Variants in PHF21A observed in about 807,000 individuals in gnomAD.
PHF21A encodes PHD finger protein 21A.
A neutral mutation model predicts 82.5 loss-of-function variants in PHF21A; 11 were observed. The observed-to-expected ratio is 0.13, with a 90% CI of 0.08 to 0.22. The LOEUF (loss-of-function observed/expected upper bound fraction) is 0.22. PHF21A is among the 10% of genes least tolerant of loss of function. The pLI is 1.00. For synonymous variants in PHF21A, 297 were observed against 302.8 expected, an observed-to-expected ratio of 0.98 and a Z score of 0.20; for missense variants, 579 against 837.8, an observed-to-expected ratio of 0.69 and a Z score of 3.81.
intron 1 of PHF21A, among the ~76,000 whole-genome samples, chr11:46,102,138 G>A (rs1387021732): frequency 3.9e-5 from 6 of 152,004 alleles, no homozygotes; most frequent in Non-Finnish European, 1.5e-5. Context: ...TTACAGGCGC[G>A]AGCCACCACG....
In PHF21A at chr11:45,949,060, T is replaced by TA. The variant is rs1034592415; in HGVS notation, c.1228-115dup. On this transcript the variant is annotated intron_variant, in intron 13 of 18. Transcript: ENST00000676320. ...TGTCAACATGCCGACTAGTTAGTGC[T>TA]AATCATCCTAAGGTCTCAATGCTCA... 3 of 841,414 alleles carry TA rather than the reference T, an allele frequency of 3.6e-6. No homozygotes were observed. In the African/African-American group the frequency reaches 5.0e-5, roughly 14 times the overall value. The allele number at this position is 841,414 out of a possible 1,614,324, so 52.1% of individuals were successfully genotyped here. A position where few individuals can be genotyped will look rare whatever the true frequency, so the allele number is the denominator to read the frequency against.
chr11:45,934,741 C>T (rs1478116206), intron 18 of PHF21A: 6 of 327,798 alleles, frequency 1.8e-5, no homozygotes, highest in Admixed American at 1.7e-4. Flanking sequence ...TTAGGAGGAT[C>T]GAAGCCCCAA....
chr11:46,093,616 A>G (rs1477713454), intron 1 of PHF21A, among the ~76,000 whole-genome samples: 1 of 152,246 alleles, frequency 6.6e-6, no homozygotes, highest in Non-Finnish European at 1.5e-5. Flanking sequence ...CAGTTATTAA[A>G]AAGTGGATTC....
chr11:46,038,699 G>T (rs994184211), intron 6 of PHF21A, among the ~76,000 whole-genome samples: 5 of 152,104 alleles, frequency 3.3e-5, no homozygotes, highest in Admixed American at 2.6e-4. Context: ...GCAGCACAGG[G>T]TATCACATGG....
chr11:45,966,694 ACAGCAGCCT>A (rs957977862), intron 9 of PHF21A, among the ~76,000 whole-genome samples: 1 of 152,244 alleles, frequency 6.6e-6, no homozygotes, highest in African/African-American at 2.4e-5. Flanking sequence ...ACCTCGGCTC[ACAGCAGCCT>A]CCGCCTCCCA....
At position 45,929,690 on chromosome 11, in the gene PHF21A, T is replaced by C. The variant is rs1473582530; in HGVS notation, c.*4278A>G. ...GGGTCCTCAGGGAGGAAGGGCCTTG[T>C]GGGAGGGGGCGCCAAGTGGAACTGG... On this transcript the variant is annotated 3_prime_UTR_variant, in exon 19 of 19. Transcript: ENST00000676320. 2 of 152,166 alleles carry C rather than the reference T, an allele frequency of 1.3e-5. No individual in the cohort carries two copies. Among genetic ancestry groups the C allele is most frequent in the Non-Finnish European group, 2.9e-5 (2 of 68,110 alleles). The allele number at this position is 152,166 out of a possible 1,614,324, so 9.4% of individuals were successfully genotyped here.
intron 6 of PHF21A, among the ~76,000 whole-genome samples, chr11:46,011,778 G>A (rs2095418470): frequency 6.6e-6 from 1 of 152,170 alleles, no homozygotes; most frequent in Non-Finnish European, 1.5e-5. Context: ...AATTTTACGA[G>A]TTTTTATTTA....
chr11:46,017,399 C>T (rs1181607442), intron 6 of PHF21A, among the ~76,000 whole-genome samples: 1 of 152,158 alleles, frequency 6.6e-6, no homozygotes, highest in Non-Finnish European at 1.5e-5. Context: ...ATATTGAAAG[C>T]TAACAAGACT....
intron 1 of PHF21A, among the ~76,000 whole-genome samples, chr11:46,110,117 T>C (rs1456349910): frequency 6.6e-6 from 1 of 152,168 alleles, no homozygotes; most frequent in African/African-American, 2.4e-5. Flanking sequence ...ACCCAGCCCC[T>C]TATTGCTGAT....
chr11:46,055,589 T>A (rs1181574947), intron 6 of PHF21A, among the ~76,000 whole-genome samples: 1 of 152,134 alleles, frequency 6.6e-6, no homozygotes, highest in African/African-American at 2.4e-5. Context: ...AGCAGTCAAT[T>A]CATCCCTTTA....
At chr11:46,107,631 C>T (rs1299688275) in intron 1 of PHF21A, among the ~76,000 whole-genome samples, 1 of 152,064 alleles carries the variant, frequency 6.6e-6, no homozygotes, top group African/African-American at 2.4e-5. Flanking sequence ...ATTAGAAAGG[C>T]TTTTTTAAAA....
At chr11:45,942,567 T>C (rs1469599255) in intron 15 of PHF21A, among the ~76,000 whole-genome samples, 1 of 152,206 alleles carries the variant, frequency 6.6e-6, no homozygotes, top group African/African-American at 2.4e-5. Flanking sequence ...CCTGTGTCAA[T>C]TATTAATGCC....
intron 1 of PHF21A, among the ~76,000 whole-genome samples, chr11:46,102,144 C>T (rs759165496): frequency 3.5e-4 from 53 of 152,272 alleles, no homozygotes; most frequent in African/African-American, 1.2e-3. Flanking sequence ...GCGCGAGCCA[C>T]CACGCCTGTC....
chr11:46,080,690 T>C (rs1319823418), intron 4 of PHF21A, among the ~76,000 whole-genome samples: 3 of 151,790 alleles, frequency 2.0e-5, no homozygotes, highest in African/African-American at 7.3e-5. Flanking sequence ...TTTTTAAAGA[T>C]GGGGTCTTGT....
intron 6 of PHF21A, among the ~76,000 whole-genome samples, chr11:46,016,201 C>T (rs1306671809): frequency 6.6e-6 from 1 of 152,160 alleles, no homozygotes. Context: ...TATATGTGGT[C>T]TGTTGTTGAC....
At chr11:45,995,414 AG>A (rs1367511307) in intron 6 of PHF21A, among the ~76,000 whole-genome samples, 9 of 152,196 alleles carry the variant, frequency 5.9e-5, no homozygotes, top group Non-Finnish European at 1.2e-4. Flanking sequence ...ATTCTTACAC[AG>A]GGGTGCATAC....
chr11:46,083,209 A>C (rs2096814843), intron 4 of PHF21A, among the ~76,000 whole-genome samples: 1 of 152,128 alleles, frequency 6.6e-6, no homozygotes. Context: ...CTACTTAAAG[A>C]AGCCCACGTG....
At chr11:46,047,391 T>C (rs975052143) in intron 6 of PHF21A, among the ~76,000 whole-genome samples, 1 of 152,126 alleles carries the variant, frequency 6.6e-6, no homozygotes, top group Non-Finnish European at 1.5e-5. Flanking sequence ...GCTGGTAAGG[T>C]ATTTTATAAT....
intron 6 of PHF21A, among the ~76,000 whole-genome samples, chr11:46,004,129 C>T (rs551534958): frequency 6.6e-6 from 1 of 152,228 alleles, no homozygotes; most frequent in East Asian, 1.9e-4. Context: ...AAAATCCTGT[C>T]TCCCCTTTTT....
Sources: gnomAD v4.1 joint callset for allele counts (sites outside exome capture counted in the v4.1 genomes callset) on GRCh38, gnomAD v4.1.1 for gene constraint, MANE v1.5 for transcripts, NCBI Gene and HGNC (gene_info 2026-07-23, HGNC 2026-07-21) for gene names.